DNAH10: variants seen among roughly 807,000 people sequenced by gnomAD.
DNAH10 encodes the protein axonemal beta dynein heavy chain 10.
Under a neutral mutation model 506.6 loss-of-function variants are expected in DNAH10, and 348 were observed. That is an observed-to-expected ratio of 0.69 (90% CI 0.63 to 0.75). The LOEUF (loss-of-function observed/expected upper bound fraction) is 0.75, where lower values mean the gene tolerates loss of function less well. DNAH10 is among the 30% of genes least tolerant of loss of function. The probability of loss-of-function intolerance (pLI) is 0.00; values close to 1 mark genes in which losing one functional copy is unlikely to be tolerated. For synonymous variants in DNAH10, 2,059 were observed against 2,198.6 expected (o/e 0.94, Z 1.78); for missense variants, 5,179 against 5,787.1 (o/e 0.89, Z 3.41).
In DNAH10 at chr12:123,777,334, A is replaced by G. The variant is rs151108388; in HGVS notation, c.621+3070A>G. 7.9e-3 allele frequency among the ~76,000 whole-genome samples: 1,198 copies of G among 152,330 alleles called. 9 individuals carry two copies. Among genetic ancestry groups the G allele is most frequent in the Non-Finnish European group, 0.013 (894 of 68,030 alleles). ...GTGATCCAGAAGCCAAGAGAAGACA[A>G]TGCTTCACTGAAGAAGGGAGGGGCC... On this transcript the variant is annotated intron_variant, in intron 5 of 78. Coordinates refer to ENST00000673944, the MANE Select transcript of DNAH10 (RefSeq NM_001372106.1).
At chr12:123,849,260 C>G (rs865995910) in intron 34 of DNAH10, among the ~76,000 whole-genome samples, 1 of 152,186 alleles carries the variant, frequency 6.6e-6, no homozygotes, top group Non-Finnish European at 1.5e-5. Context: ...TCACAGTGAA[C>G]AAGAAATTTT....
intron 75 of DNAH10, 44 bp from the exon 76 acceptor site, chr12:123,931,897 G>A (rs759163267): frequency 6.2e-7 from 1 of 1,612,734 alleles, no homozygotes; most frequent in Non-Finnish European, 8.5e-7. Flanking sequence ...GTGGCACCTG[G>A]GGTTCTGATA....
intron 51 of DNAH10, among the ~76,000 whole-genome samples, chr12:123,882,421 C>CGT: frequency 6.6e-6 from 1 of 152,314 alleles, no homozygotes; most frequent in African/African-American, 2.4e-5. Flanking sequence ...ACAATCCACA[C>CGT]ATTCAAAGCA....
In DNAH10 at chr12:123,880,476, A is replaced by T. The variant is rs1952456504; in HGVS notation, c.8634+675A>T. 2.0e-5 allele frequency among the ~76,000 whole-genome samples: 3 copies of T among 151,964 alleles called. No individual in the cohort carries two copies. The South Asian group carries it at 6.2e-4, about 32-fold the overall frequency. ...TGCCTCAGCCTCTGGAGTAGCCGGGACTATGGGCACACATCACCGTGCCCA... is the reference window on the plus strand; with the variant it reads ...TGCCTCAGCCTCTGGAGTAGCCGGGTCTATGGGCACACATCACCGTGCCCA... On this transcript the variant is annotated intron_variant, in intron 50 of 78. Coordinates refer to ENST00000673944, the MANE Select transcript of DNAH10 (RefSeq NM_001372106.1).
rs753806414 is a variant in DNAH10 at position 123,781,203 on chromosome 12, G to C, written c.745G>C (p.Val249Leu). The change falls in exon 6 of 79, where the codon GTA becomes CTA. Residue 249 changes from valine (V) to leucine (L), a missense_variant. By Grantham distance (32) the Val-to-Leu change is conservative. Around this residue, in one of 3 missense-constraint regions of DNAH10, gnomAD observed 326 missense variants for 330.8 expected, o/e 0.99. Transcript: ENST00000673944. ...SDLPPMPGEA[V>L]EYHSIQLIRD... ...CCTGCCGCCCATGCCTGGGGAGGCA[G>C]TAGAATATCACAGTATTCAATTAAT... is the stretch of plus-strand genomic sequence containing the variant. 6.2e-7 allele frequency: 1 copy of C among 1,614,120 alleles called. No homozygotes were observed. Among genetic ancestry groups the C allele is most frequent in the Non-Finnish European group, 8.5e-7 (1 of 1,180,012 alleles).
At chr12:123,839,228 A>AAAAC (rs1555228678) in intron 29 of DNAH10, among the ~76,000 whole-genome samples, 64 of 151,886 alleles carry the variant, frequency 4.2e-4, no homozygotes, top group African/African-American at 1.5e-3. Flanking sequence ...AAAAAAAAAA[A>AAAAC]AAACAAAAAA....
At chr12:123,782,020 A>G (rs1318256342) in intron 6 of DNAH10, among the ~76,000 whole-genome samples, 1 of 151,896 alleles carries the variant, frequency 6.6e-6, no homozygotes, top group African/African-American at 2.4e-5. Context: ...TTCCTCCACT[A>G]TTTGTTTTCT....
Position 123,917,885 on chromosome 12 carries a change from G to T in DNAH10, c.11232+72G>T. On this transcript the variant is annotated intron_variant, in intron 64 of 78. Coordinates refer to ENST00000673944, the MANE Select transcript of DNAH10 (RefSeq NM_001372106.1). This position sits in a 1 kb window ranked among gnomAD's most constrained non-coding sequence, Gnocchi z 5.6. ...GCGCCGTTGGAGCGTCCATTTCTCT[G>T]TCTGCTCAATGAGAAAATGGGGCTC... The T allele has an allele frequency of 6.8e-7, 1 of 1,468,070 alleles. No individual in the cohort carries two copies. The highest frequency in any genetic ancestry group is 9.2e-7 in the Non-Finnish European group (1 of 1,081,372). 90.9% of individuals were successfully genotyped at this position (1,468,070 alleles called of 1,614,324 possible). A position where few individuals can be genotyped will look rare whatever the true frequency, so the allele number is the denominator to read the frequency against.
At chr12:123,788,448 G>C (rs904592299) in intron 10 of DNAH10, among the ~76,000 whole-genome samples, 2 of 152,148 alleles carry the variant, frequency 1.3e-5, no homozygotes, top group African/African-American at 4.8e-5. Context: ...GTCTCCTAAA[G>C]GTTCACCCAC....
intron 21 of DNAH10, among the ~76,000 whole-genome samples, chr12:123,816,675 G>T (rs1022072779): frequency 2.6e-5 from 4 of 152,210 alleles, no homozygotes. Flanking sequence ...GACGTGTGTG[G>T]GGGAACCCCT....
chr12:123,902,563 C>T lies in DNAH10; in HGVS notation c.9641-376C>T, dbSNP rs933847626. Among the ~76,000 whole-genome samples, 7 of 152,076 alleles carry T rather than the reference C, an allele frequency of 4.6e-5. No individual in the cohort carries two copies. The highest frequency in any genetic ancestry group is 2.1e-4 in the South Asian group (1 of 4,816). ...GGGCCCGAGTGAGCGTAGGAAGAGG[C>T]GATGAGAGGCAGAAGGAGGAGATCG... On this transcript the variant is annotated intron_variant, in intron 56 of 78. Coordinates refer to ENST00000673944, the MANE Select transcript of DNAH10 (RefSeq NM_001372106.1). The surrounding 1 kb of genome is among the most constrained non-coding windows in gnomAD (Gnocchi z 4.5).
Position 123,928,815 on chromosome 12 carries a change from T to G in DNAH10, c.12306+228T>G. On this transcript the variant is annotated intron_variant, in intron 70 of 78. Coordinates refer to ENST00000673944, the MANE Select transcript of DNAH10 (RefSeq NM_001372106.1). This position sits in a 1 kb window ranked among gnomAD's most constrained non-coding sequence, Gnocchi z 4.9. ...GGCCTATCTCTACCAATTCTGCATG[T>G]GTCCCTAACAATATCTACGCTACTT... The G allele has an allele frequency of 3.5e-6, 2 of 572,272 alleles. No individual in the cohort carries two copies. 35.4% of individuals were successfully genotyped at this position (572,272 alleles called of 1,614,324 possible).
chr12:123,934,335 G>A (rs1333839306), intron 77 of DNAH10: 1 of 674,698 alleles, frequency 1.5e-6, no homozygotes, highest in African/African-American at 1.8e-5. Context: ...TAAGTCCGTG[G>A]GCCTTGATGC....
rs1957817941 is a variant in DNAH10, at chr12:123,785,611, C to T, written c.1231-135C>T. ...CCATGTTTGTGCCATTGCACTCCAG[C>T]CTGGGCACCAGACTTGGTCTCAAGG... On this transcript the variant is annotated intron_variant, in intron 8 of 78. Coordinates refer to ENST00000673944, the MANE Select transcript of DNAH10 (RefSeq NM_001372106.1). The surrounding 1 kb of genome is among the most constrained non-coding windows in gnomAD (Gnocchi z 4.1). 1.2e-6 allele frequency: 1 copy of T among 831,538 alleles called. No individual in the cohort carries two copies. Among genetic ancestry groups the T allele is most frequent in the Non-Finnish European group, 1.7e-6 (1 of 574,370 alleles). 51.5% of individuals were successfully genotyped at this position (831,538 alleles called of 1,614,324 possible).
intron 37 of DNAH10, among the ~76,000 whole-genome samples, chr12:123,857,700 C>G (rs1223628313): frequency 6.6e-6 from 1 of 152,072 alleles, no homozygotes; most frequent in Admixed American, 6.6e-5. Flanking sequence ...TGCACTCCAG[C>G]CTGGTGAGAG....
At chr12:123,871,150 G>T (rs11057380) in intron 44 of DNAH10, among the ~76,000 whole-genome samples, 58,556 of 152,070 alleles carry the variant, frequency 0.39, 11,898 homozygotes, top group South Asian at 0.44. Flanking sequence ...GTTAAATCCC[G>T]CAGGGGTCTG....
At chr12:123,796,330 G>C (rs547859538) in intron 12 of DNAH10, among the ~76,000 whole-genome samples, 1 of 151,944 alleles carries the variant, frequency 6.6e-6, no homozygotes, top group East Asian at 1.9e-4. Context: ...AGTGGTGGGC[G>C]CCTGTAATCC....
intron 11 of DNAH10, among the ~76,000 whole-genome samples, chr12:123,790,583 C>T (rs1958041195): frequency 6.6e-6 from 1 of 151,788 alleles, no homozygotes; most frequent in African/African-American, 2.4e-5. Flanking sequence ...GCTGAGACAG[C>T]GGAGGGGGTT....
intron 2 of DNAH10, among the ~76,000 whole-genome samples, chr12:123,770,000 G>A (rs930865081): frequency 2.0e-5 from 3 of 151,040 alleles, no homozygotes; most frequent in Non-Finnish European, 4.4e-5. Flanking sequence ...CAGGACTTAG[G>A]GAGGCCAAGG....
Sources: allele counts gnomAD v4.1 joint callset (sites outside exome capture counted in the v4.1 genomes callset), GRCh38; gene constraint gnomAD v4.1.1; regional missense constraint gnomAD v4.1.1; non-coding constraint Gnocchi (gnomAD v3.1); transcripts MANE v1.5; gene names NCBI Gene and HGNC (gene_info 2026-07-23, HGNC 2026-07-21).